Variants in ADGRF5 observed in about 807,000 individuals in gnomAD.
ADGRF5 encodes G-protein coupled receptor 116.
In ADGRF5, 75 loss-of-function variants were observed where a neutral mutation model predicts 132.3. That is an observed-to-expected ratio of 0.57 (90% CI 0.47 to 0.69). ADGRF5 has a LOEUF of 0.69. ADGRF5 is among the 30% of genes least tolerant of loss of function. ADGRF5 has a pLI of 0.00. For missense variants in ADGRF5, 1,516 were observed against 1,630.6 expected (o/e 0.93, Z 1.21); for synonymous variants, 629 against 597.6 (o/e 1.05, Z -0.77).
At chr6:46,951,071 G>T (rs1778481519) in intron 1 of ADGRF5, among the ~76,000 whole-genome samples, 1 of 152,236 alleles carries the variant, frequency 6.6e-6, no homozygotes, top group Non-Finnish European at 1.5e-5. Context: ...CAGGCCACTG[G>T]AAACCTCTCA....
intron 1 of ADGRF5, among the ~76,000 whole-genome samples, chr6:46,946,096 G>T (rs759721058): frequency 3.9e-5 from 6 of 152,178 alleles, no homozygotes; most frequent in Admixed American, 6.5e-5. Context: ...AGAAATCCAG[G>T]CAGAGGAATG....
chr6:46,913,735 A>G (rs1776187831), intron 1 of ADGRF5, among the ~76,000 whole-genome samples: 1 of 152,188 alleles, frequency 6.6e-6, no homozygotes, highest in Non-Finnish European at 1.5e-5. Context: ...TTGTTTGTAA[A>G]TTGAAGTAGA....
At chr6:46,887,436 C>T (rs1408373552) in intron 4 of ADGRF5, among the ~76,000 whole-genome samples, 1 of 152,148 alleles carries the variant, frequency 6.6e-6, no homozygotes, top group Non-Finnish European at 1.5e-5. Flanking sequence ...TGCACATTGG[C>T]ATCCAACTGG....
chr6:46,875,473 G>A (rs1771552605), intron 10 of ADGRF5, among the ~76,000 whole-genome samples: 1 of 152,150 alleles, frequency 6.6e-6, no homozygotes, highest in Non-Finnish European at 1.5e-5. Context: ...AAACCAAGAT[G>A]ATAAATGTAA....
intron 3 of ADGRF5, 36 bp from the exon 4 acceptor site, chr6:46,888,541 C>T (rs745593869): frequency 1.2e-5 from 18 of 1,458,140 alleles, no homozygotes; most frequent in Admixed American, 8.4e-5. Flanking sequence ...AGAGAACTTA[C>T]CATGGGAGAT....
intron 1 of ADGRF5, among the ~76,000 whole-genome samples, chr6:46,942,132 C>G (rs1778112986): frequency 6.6e-6 from 1 of 152,180 alleles, no homozygotes; most frequent in Non-Finnish European, 1.5e-5. Flanking sequence ...CTGTAAGAAG[C>G]CTCCCTTTGA....
In ADGRF5 at chr6:46,888,432, C is replaced by T. The variant is rs771840007; in HGVS notation, c.231G>A (p.Leu77=). Residue 77 remains leucine, a synonymous_variant, in exon 4 of 21, where the codon CTG becomes CTA. Transcript: ENST00000283296. ...TGTTCAAGTAGGCTTTGATAGGATC[C>T]AGGAAGGATGCATTTTCAAAACTGA... ...IEISFENASF[L]DPIKAYLNSL... is the part of the protein sequence containing the mutation. The T allele has an allele frequency of 2.7e-5, 43 of 1,611,460 alleles. No individual in the cohort carries two copies. The highest frequency in any genetic ancestry group is 1.6e-4 in the Middle Eastern group (1 of 6,062).
intron 1 of ADGRF5, among the ~76,000 whole-genome samples, chr6:46,931,988 C>T (rs1777577537): frequency 6.6e-6 from 1 of 152,144 alleles, no homozygotes; most frequent in South Asian, 2.1e-4. Context: ...CCTCTTTGTA[C>T]ATTTGGTGAA....
At chr6:46,857,443 T>A (rs1288206071) in intron 17 of ADGRF5, among the ~76,000 whole-genome samples, 8 of 152,296 alleles carry the variant, frequency 5.3e-5, no homozygotes, top group Non-Finnish European at 1.0e-4. Flanking sequence ...TTTTTTTCTA[T>A]CCTTACCACC....
intron 1 of ADGRF5, among the ~76,000 whole-genome samples, chr6:46,910,356 T>C (rs1463163978): frequency 6.6e-6 from 1 of 152,138 alleles, no homozygotes; most frequent in Non-Finnish European, 1.5e-5. Context: ...TTGTGGGTAA[T>C]AATTGCCAGT....
intron 1 of ADGRF5, among the ~76,000 whole-genome samples, chr6:46,948,982 G>A (rs1399724255): frequency 6.6e-6 from 1 of 152,222 alleles, no homozygotes; most frequent in African/African-American, 2.4e-5. Context: ...ACATGAGACA[G>A]TGGCTTTGCT....
At chr6:46,887,607 A>C (rs909229843) in intron 4 of ADGRF5, among the ~76,000 whole-genome samples, 3 of 152,242 alleles carry the variant, frequency 2.0e-5, no homozygotes, top group Admixed American at 6.5e-5. Context: ...GAAATATGCG[A>C]ATTCAAGAAG....
chr6:46,888,268 A>T (rs1773258621), intron 4 of ADGRF5, 67 bp downstream of exon 4: 2 of 1,126,590 alleles, frequency 1.8e-6, no homozygotes, highest in South Asian at 1.3e-5. Flanking sequence ...TCTGATACTC[A>T]GGAGCTCAGA....
Position 46,859,448 on chromosome 6 carries a change from T to C in ADGRF5, c.2455A>G (p.Thr819Ala). ...NTWKVLQQQW[T>A]NQSSQLLHSV... ...TGTAGTAGCTGTGAACTCTGATTGG[T>C]CCATTGCTGTTGTAAAACCTTCCAG... Residue 819 changes from threonine (T) to alanine (A), a missense_variant, in exon 17 of 21, where the codon ACC becomes GCC. Around this residue, in one of 2 missense-constraint regions of ADGRF5, gnomAD observed 571 missense variants for 701.2 expected, o/e 0.81. Coordinates refer to ENST00000283296, the MANE Select transcript of ADGRF5 (RefSeq NM_001098518.2). 1 of 1,613,500 alleles carries C rather than the reference T, an allele frequency of 6.2e-7. No homozygotes were observed. Among genetic ancestry groups the C allele is most frequent in the South Asian group, 1.1e-5 (1 of 91,066 alleles).
Position 46,858,470 on chromosome 6 carries a change from T to A in ADGRF5, c.3433A>T (p.Ile1145Phe), listed in dbSNP as rs532666428. Residue 1145 changes from isoleucine to phenylalanine, a missense_variant, in exon 17 of 21, where the codon ATC becomes TTC. This residue lies in a region of ADGRF5 where 571 missense variants were observed against 701.2 expected (regional missense o/e 0.81). Coordinates refer to ENST00000283296, the MANE Select transcript of ADGRF5 (RefSeq NM_001098518.2). ...GYGCPLAISV[I>F]TLGATQPREV... is the part of the protein sequence containing the mutation. ...CGGGGCTGGGTGGCTCCCAGCGTGA[T>A]GACCGAGATGGCAAGTGGGCAGCCA... 2.5e-6 allele frequency: 4 copies of A among 1,613,902 alleles called. No individual in the cohort carries two copies. The South Asian group carries it at 4.4e-5, about 18-fold the overall frequency.
At chr6:46,868,058 A>G (rs1240748788) in intron 12 of ADGRF5, among the ~76,000 whole-genome samples, 1 of 152,214 alleles carries the variant, frequency 6.6e-6, no homozygotes, top group Non-Finnish European at 1.5e-5. Flanking sequence ...AGTTGTTTCT[A>G]CAATGTTGCC....
chr6:46,914,198 G>A (rs1776228183), intron 1 of ADGRF5, among the ~76,000 whole-genome samples: 1 of 152,200 alleles, frequency 6.6e-6, no homozygotes, highest in Non-Finnish European at 1.5e-5. Context: ...GAGATACAGA[G>A]TTGCAATAAG....
At chr6:46,888,846 C>T (rs968720600) in intron 3 of ADGRF5, among the ~76,000 whole-genome samples, 5 of 151,890 alleles carry the variant, frequency 3.3e-5, no homozygotes, top group South Asian at 2.1e-4. Context: ...ATGCATCATT[C>T]GATAGATGCA....
intron 5 of ADGRF5, among the ~76,000 whole-genome samples, chr6:46,883,870 T>C (rs1419411405): frequency 1.3e-5 from 2 of 152,112 alleles, no homozygotes; most frequent in African/African-American, 2.4e-5. Context: ...CCCTCCCGAG[T>C]AGCTGGGACT....
Sources: allele counts gnomAD v4.1 joint callset (sites outside exome capture counted in the v4.1 genomes callset), GRCh38; gene constraint gnomAD v4.1.1; regional missense constraint gnomAD v4.1.1; transcripts MANE v1.5; gene names NCBI Gene and HGNC (gene_info 2026-07-23, HGNC 2026-07-21).